Variants in RPGRIP1L observed in about 807,000 individuals in gnomAD.
RPGRIP1L encodes protein fantom.
In RPGRIP1L, 131 loss-of-function variants were observed where a neutral mutation model predicts 160.4. The observed-to-expected ratio is 0.82, with a 90% CI of 0.71 to 0.94. RPGRIP1L has a LOEUF of 0.94. RPGRIP1L is among the 40% of genes least tolerant of loss of function. RPGRIP1L has a pLI of 0.00. For missense variants in RPGRIP1L, 1,522 were observed against 1,535.8 expected (o/e 0.99, Z 0.15); for synonymous variants, 510 against 515.8 (o/e 0.99, Z 0.15).
Position 53,637,251 on chromosome 16 carries a change from A to G in RPGRIP1L, c.3220+444T>C, listed in dbSNP as rs1014984269. The stretch of plus-strand genomic sequence containing the variant: ...GTCCATCACCTCAAAAAATCTCCTC[A>G]GGTCCCTCTGTAATCTCTTCCCTTC... On this transcript the variant is annotated intron_variant, in intron 21 of 26. Transcript: ENST00000647211. Among the ~76,000 whole-genome samples the G allele has an allele frequency of 2.6e-5, 4 of 152,128 alleles. No homozygotes were observed. The South Asian group carries it at 6.2e-4, about 24-fold the overall frequency.
At chr16:53,688,047 A>G in intron 4 of RPGRIP1L, 82 bp from the exon 5 acceptor site, 2 of 865,848 alleles carry the variant, frequency 2.3e-6, no homozygotes, top group East Asian at 2.6e-5. Context: ...AAGGATATTT[A>G]TAATAAAATC....
At chr16:53,663,205 A>C (rs1435698021) in intron 10 of RPGRIP1L, among the ~76,000 whole-genome samples, 1 of 151,830 alleles carries the variant, frequency 6.6e-6, no homozygotes, top group East Asian at 1.9e-4. Context: ...AAATTCCCAA[A>C]TGATAAAAAA....
rs1414371697 is a variant in RPGRIP1L at position 53,619,065 on chromosome 16, T to C, written c.3576A>G (p.Lys1192=). The part of the protein sequence containing the change: ...PAEETPVSLP[K]PKSGQWVYYN... ...AGTAGACCCACTGCCCACTCTTGGG[T>C]TTTGGAAGTGACACGGGTGTCTCTT... Residue 1192 remains lysine, a synonymous_variant, in exon 24 of 27, where the codon AAA becomes AAG. Coordinates refer to ENST00000647211, the MANE Select transcript of RPGRIP1L (RefSeq NM_015272.5). The C allele has an allele frequency of 1.2e-5, 19 of 1,613,918 alleles. No individual in the cohort carries two copies. The highest frequency in any genetic ancestry group is 1.4e-5 in the Non-Finnish European group (17 of 1,179,976).
chr16:53,646,751 G>C (rs1966575302), intron 16 of RPGRIP1L, among the ~76,000 whole-genome samples: 1 of 152,288 alleles, frequency 6.6e-6, no homozygotes, highest in Admixed American at 6.5e-5. Context: ...TAGTGCTGGA[G>C]TCTCTACATT....
chr16:53,687,086 A>G (rs947429260), intron 5 of RPGRIP1L, among the ~76,000 whole-genome samples: 32 of 152,162 alleles, frequency 2.1e-4, no homozygotes, highest in African/African-American at 7.7e-4. Context: ...GGTGATCATC[A>G]GGTAACAAGG....
chr16:53,676,767 G>A (rs1290560507), intron 6 of RPGRIP1L, among the ~76,000 whole-genome samples: 2 of 151,966 alleles, frequency 1.3e-5, no homozygotes, highest in Non-Finnish European at 2.9e-5. Context: ...TGAGTAGCAG[G>A]GACTACAGGC....
chr16:53,623,488 C>T (rs560876016), intron 22 of RPGRIP1L, among the ~76,000 whole-genome samples: 1 of 152,314 alleles, frequency 6.6e-6, no homozygotes, highest in East Asian at 1.9e-4. Context: ...CATCTTTCCG[C>T]CTGAAAATAT....
At chr16:53,662,924 A>T (rs533488997) in intron 10 of RPGRIP1L, among the ~76,000 whole-genome samples, 1 of 152,194 alleles carries the variant, frequency 6.6e-6, no homozygotes, top group South Asian at 2.1e-4. Context: ...AAGATTGTTA[A>T]ATAATCCATG....
At chr16:53,614,358 G>T (rs748226043) in intron 24 of RPGRIP1L, among the ~76,000 whole-genome samples, 1 of 152,130 alleles carries the variant, frequency 6.6e-6, no homozygotes, top group Non-Finnish European at 1.5e-5. Context: ...CCCCTTAAAA[G>T]GCTTGTTAAA....
In RPGRIP1L at chr16:53,674,332, T is replaced by C. The variant is rs553090508; in HGVS notation, c.882+685A>G. Among the ~76,000 whole-genome samples, 8 of 152,302 alleles carry C rather than the reference T, an allele frequency of 5.3e-5. No homozygotes were observed. The South Asian group carries it at 1.7e-3, about 32-fold the overall frequency. On this transcript the variant is annotated intron_variant, in intron 7 of 26. Transcript: ENST00000647211. ...TCACATAAATTCTGCTCAACTGGAA[T>C]GTCTTGGAGTTCATTAATTCCAGAA...
chr16:53,668,613 T>C (rs926845635), intron 9 of RPGRIP1L, among the ~76,000 whole-genome samples: 13 of 152,156 alleles, frequency 8.5e-5, no homozygotes, highest in Admixed American at 2.0e-4. Context: ...GTTATTTGCA[T>C]ACATTATAGT....
chr16:53,640,968 G>A (rs1170223654), intron 19 of RPGRIP1L, 65 bp downstream of exon 19: 13 of 1,084,724 alleles, frequency 1.2e-5, no homozygotes, highest in Non-Finnish European at 1.8e-5. Flanking sequence ...GGAATAATAT[G>A]CCTATATAAT....
chr16:53,676,675 C>T (rs1273323264), intron 6 of RPGRIP1L, among the ~76,000 whole-genome samples: 1 of 151,844 alleles, frequency 6.6e-6, no homozygotes, highest in Non-Finnish European at 1.5e-5. Flanking sequence ...GCTCTGTCAC[C>T]CAGGCTGGAG....
At position 53,636,313 on chromosome 16, in the gene RPGRIP1L, G is replaced by A. The variant is rs1022039742; in HGVS notation, c.3294+126C>T. On this transcript the variant is annotated intron_variant, in intron 22 of 26. Transcript: ENST00000647211. ...TAGATGACTACTTGGTTAAGATTATGATAAACATTAAAGTTTTTCCAGAAA... is the reference window on the plus strand; with the variant it reads ...TAGATGACTACTTGGTTAAGATTATAATAAACATTAAAGTTTTTCCAGAAA... 281 of 729,376 alleles carry A rather than the reference G, an allele frequency of 3.9e-4. No homozygotes were observed. The Middle Eastern group carries it at 5.5e-3, about 14-fold the overall frequency. 45.2% of individuals were successfully genotyped at this position (729,376 alleles called of 1,614,324 possible). A position where few individuals can be genotyped will look rare whatever the true frequency, so the allele number is the denominator to read the frequency against.
At chr16:53,654,141 A>T (rs2151135606) in intron 14 of RPGRIP1L, among the ~76,000 whole-genome samples, 1 of 152,202 alleles carries the variant, frequency 6.6e-6, no homozygotes, top group Admixed American at 6.5e-5. Context: ...TTTTTAAAAT[A>T]TTTTTAGTAG....
chr16:53,639,851 C>T (rs1186117272), intron 19 of RPGRIP1L, among the ~76,000 whole-genome samples: 1 of 152,130 alleles, frequency 6.6e-6, no homozygotes, highest in Non-Finnish European at 1.5e-5. Context: ...TTATTTATCA[C>T]ATACATATTA....
rs186396881 is a variant in RPGRIP1L at position 53,682,102 on chromosome 16, A to G, written c.776+4331T>C. Among the ~76,000 whole-genome samples the G allele has an allele frequency of 2.3e-3, 357 of 152,322 alleles. 3 individuals carry two copies. Among genetic ancestry groups the G allele is most frequent in the African/African-American group, 5.9e-3 (246 of 41,586 alleles). ...AAAAGGCATTGAACATCCTTATTTT[A>G]AGCTATTTCCTCAATTTCAACAACT... On this transcript the variant is annotated intron_variant, in intron 6 of 26. Transcript: ENST00000647211.
intron 22 of RPGRIP1L, among the ~76,000 whole-genome samples, chr16:53,623,517 T>C (rs574275667): frequency 1.3e-5 from 2 of 152,348 alleles, no homozygotes; most frequent in East Asian, 3.9e-4. Context: ...CCTTACACTC[T>C]AGCCACTCCT....
intron 2 of RPGRIP1L, 127 bp from the exon 3 acceptor site, chr16:53,696,422 C>T: frequency 1.1e-6 from 1 of 918,976 alleles, no homozygotes; most frequent in Non-Finnish European, 1.7e-6. Context: ...GTTAAGATTG[C>T]TTTAGAAAAT....
Sources: allele counts gnomAD v4.1 joint callset (sites outside exome capture counted in the v4.1 genomes callset), GRCh38; gene constraint gnomAD v4.1.1; transcripts MANE v1.5; gene names NCBI Gene and HGNC (gene_info 2026-07-23, HGNC 2026-07-21).